Variants in SCN3A observed in about 807,000 individuals in gnomAD.
SCN3A encodes the protein sodium voltage-gated channel alpha subunit 3.
SCN3A carries 60 observed loss-of-function variants against 187.6 expected under a neutral mutation model. The ratio of observed to expected loss-of-function variants is 0.32; its 90% CI spans 0.26 to 0.40. SCN3A has a LOEUF of 0.40. SCN3A is among the 10% of genes least tolerant of loss of function. The probability of loss-of-function intolerance (pLI) is 1.00; values close to 1 mark genes in which losing one functional copy is unlikely to be tolerated. For missense variants in SCN3A, 1,601 were observed against 2,428.2 expected (o/e 0.66, Z 7.16); for synonymous variants, 788 against 829.2 (o/e 0.95, Z 0.85).
In SCN3A at chr2:165,092,260, T is replaced by C; in HGVS notation, c.4801A>G (p.Ile1601Val). ...IFDFVVVILS[I>V]VGMFLAEMIE... is the part of the protein sequence containing the mutation. ...GTAATTAAGCTGTTCTTACCTACAA[T>C]GGAGAGAATCACCACCACAAAGTCA... is the stretch of plus-strand genomic sequence containing the variant. The change falls in exon 27 of 28, where the codon ATT becomes GTT. Residue 1601 changes from isoleucine to valine, a missense_variant. Physicochemically the swap from Ile to Val is conservative, Grantham distance 29. Coordinates refer to ENST00000283254, the MANE Select transcript of SCN3A (RefSeq NM_006922.4). The surrounding 1 kb of genome is among the most constrained non-coding windows in gnomAD (Gnocchi z 4.2). The C allele has an allele frequency of 6.2e-7, 1 of 1,613,982 alleles. No homozygotes were observed. The highest frequency in any genetic ancestry group is 2.2e-5 in the East Asian group (1 of 44,868).
chr2:165,161,741 T>A (rs1236647577), intron 9 of SCN3A, among the ~76,000 whole-genome samples: 1 of 152,250 alleles, frequency 6.6e-6, no homozygotes, highest in East Asian at 1.9e-4. Context: ...TCTTTTGTTG[T>A]AACGTGTGGC....
chr2:165,171,121 G>A (rs1690076915), intron 3 of SCN3A, among the ~76,000 whole-genome samples: 1 of 151,940 alleles, frequency 6.6e-6, no homozygotes, highest in South Asian at 2.1e-4. Context: ...CCATTTCAAA[G>A]GGCATTCCAC....
At chr2:165,183,823 A>G (rs1392086219) in intron 2 of SCN3A, among the ~76,000 whole-genome samples, 3 of 152,088 alleles carry the variant, frequency 2.0e-5, no homozygotes, top group South Asian at 2.1e-4. Context: ...TAAATTTTTC[A>G]TCTTTATGGA....
At chr2:165,123,281 A>G (rs1686799631) in intron 18 of SCN3A, among the ~76,000 whole-genome samples, 1 of 152,138 alleles carries the variant, frequency 6.6e-6, no homozygotes, top group Non-Finnish European at 1.5e-5. Context: ...TGTTAGTGGT[A>G]TTCATATATA....
At chr2:165,101,512 G>A (rs1300192997) in intron 21 of SCN3A, among the ~76,000 whole-genome samples, 1 of 151,952 alleles carries the variant, frequency 6.6e-6, no homozygotes, top group Non-Finnish European at 1.5e-5. Flanking sequence ...CAAATAATCT[G>A]ACGTCAAAAG....
intron 16 of SCN3A, among the ~76,000 whole-genome samples, chr2:165,131,000 T>G (rs1460728643): frequency 6.6e-6 from 1 of 152,096 alleles, no homozygotes; most frequent in Admixed American, 6.5e-5. Context: ...AAAACACAGT[T>G]TTAGAAAGTA....
intron 9 of SCN3A, among the ~76,000 whole-genome samples, chr2:165,157,824 T>C (rs146505283): frequency 6.6e-6 from 1 of 152,366 alleles, no homozygotes; most frequent in East Asian, 1.9e-4. Context: ...TGATATTTCA[T>C]TTATTTGTTC....
chr2:165,168,587 C>T, intron 5 of SCN3A, 149 bp downstream of exon 5: 1 of 669,636 alleles, frequency 1.5e-6, no homozygotes, highest in South Asian at 1.7e-5. Context: ...GAATAGCTCC[C>T]CCAAAGAACT....
intron 17 of SCN3A, among the ~76,000 whole-genome samples, chr2:165,128,802 ATGTG>A (rs34565727): frequency 2.6e-5 from 4 of 151,290 alleles, no homozygotes; most frequent in Admixed American, 6.6e-5. Context: ...CTTTGTGTGT[ATGTG>A]TGTGTGTGTG....
intron 15 of SCN3A, among the ~76,000 whole-genome samples, chr2:165,134,687 C>T (rs1687559721): frequency 6.6e-6 from 1 of 151,134 alleles, no homozygotes; most frequent in Non-Finnish European, 1.5e-5. Flanking sequence ...ATTTTTTTTT[C>T]AAATAGTGAG....
In SCN3A at chr2:165,146,958, A is replaced by G. The variant is rs1316479957; in HGVS notation, c.1452T>C (p.Ser484=). The change falls in exon 12 of 28, where the codon AGT becomes AGC. Residue 484 remains serine, a synonymous_variant. Coordinates refer to ENST00000283254, the MANE Select transcript of SCN3A (RefSeq NM_006922.4). ...GIGGLGELLE[S]SSEASKLSSK... is the part of the protein sequence containing the mutation. ...AACTCAACTTTGATGCTTCTGAAGA[A>G]CTTTCCAACAGCTCTCCTAACCCAC... 3.1e-6 allele frequency: 5 copies of G among 1,614,008 alleles called. No homozygotes were observed. Among genetic ancestry groups the G allele is most frequent in the Non-Finnish European group, 4.2e-6 (5 of 1,179,958 alleles).
chr2:165,146,702 T>A (rs1688356909), intron 12 of SCN3A, 37 bp downstream of exon 12: 1 of 1,611,996 alleles, frequency 6.2e-7, no homozygotes, highest in African/African-American at 1.3e-5. Context: ...GCAATAGCAA[T>A]GACAAAGAAA....
Position 165,092,619 on chromosome 2 carries a change from G to A in SCN3A, c.4537-95C>T. 1 of 1,153,682 alleles carries A rather than the reference G, an allele frequency of 8.7e-7. No homozygotes were observed. Among genetic ancestry groups the A allele is most frequent in the Non-Finnish European group, 1.3e-6 (1 of 785,990 alleles). The allele number at this position is 1,153,682 out of a possible 1,614,324, so 71.5% of individuals were successfully genotyped here. A position where few individuals can be genotyped will look rare whatever the true frequency, so the allele number is the denominator to read the frequency against. On this transcript the variant is annotated intron_variant, in intron 26 of 27. Transcript: ENST00000283254. This position sits in a 1 kb window ranked among gnomAD's most constrained non-coding sequence, Gnocchi z 4.2. ...GATAAAGCCCTTCCACATACGGGAT[G>A]GATGTGCACCCTCCTCATATTACCC...
chr2:165,100,848 C>T (rs779544529), intron 21 of SCN3A, among the ~76,000 whole-genome samples: 2 of 152,144 alleles, frequency 1.3e-5, no homozygotes, highest in African/African-American at 2.4e-5. Flanking sequence ...CATGTAATAG[C>T]GTTCACTGAT....
chr2:165,197,317 G>A (rs1029924400), intron 1 of SCN3A, among the ~76,000 whole-genome samples: 8 of 151,918 alleles, frequency 5.3e-5, no homozygotes, highest in African/African-American at 1.9e-4. Context: ...ATTTTTCTTT[G>A]TCTTTCTCTA....
chr2:165,125,365 G>A (rs967484035), intron 18 of SCN3A, among the ~76,000 whole-genome samples: 9 of 151,594 alleles, frequency 5.9e-5, no homozygotes, highest in Non-Finnish European at 1.2e-4. Context: ...GTGCAGTGGC[G>A]CAATCTCCGC....
At chr2:165,098,123 A>G (rs1685447492) in intron 22 of SCN3A, among the ~76,000 whole-genome samples, 1 of 152,198 alleles carries the variant, frequency 6.6e-6, no homozygotes, top group Non-Finnish European at 1.5e-5. Flanking sequence ...ACAGTACTGG[A>G]TAAGTTCCCA....
chr2:165,197,427 A>G (rs1692032618), intron 1 of SCN3A, among the ~76,000 whole-genome samples: 1 of 152,056 alleles, frequency 6.6e-6, no homozygotes, highest in South Asian at 2.1e-4. Flanking sequence ...ATCTGATTGA[A>G]TTGGTTGAAG....
At chr2:165,115,171 G>A (rs1004799805) in intron 19 of SCN3A, among the ~76,000 whole-genome samples, 2 of 151,890 alleles carry the variant, frequency 1.3e-5, no homozygotes, top group Admixed American at 6.6e-5. Context: ...ATACAGCTGT[G>A]GCTGAGGTAG....
Sources: gnomAD v4.1 joint callset for allele counts (sites outside exome capture counted in the v4.1 genomes callset) on GRCh38, gnomAD v4.1.1 for gene constraint, Gnocchi (gnomAD v3.1) non-coding constraint, MANE v1.5 for transcripts, NCBI Gene and HGNC (gene_info 2026-07-23, HGNC 2026-07-21) for gene names.